The following PPA2 variants were observed in gnomAD, a reference collection of about 807,000 sequenced individuals.
PPA2 encodes the protein inorganic pyrophosphatase 2.
PPA2 carries 48 observed loss-of-function variants against 49.5 expected under a neutral mutation model. The observed-to-expected ratio is 0.97, with a 90% confidence interval of 0.77 to 1.23. The LOEUF is 1.23. PPA2 is among the 50% of genes most tolerant of loss of function. The probability of loss-of-function intolerance (pLI) is 0.00; values close to 1 mark genes in which losing one functional copy is unlikely to be tolerated. For missense variants in PPA2, 429 were observed against 410.1 expected, an observed-to-expected ratio of 1.05 and a Z score of -0.40; for synonymous variants, 131 against 139.9, an observed-to-expected ratio of 0.94 and a Z score of 0.45.
At position 105,424,439 on chromosome 4, in the gene PPA2, A is replaced by G. The variant is rs1027454576; in HGVS notation, c.529-117T>C. On this transcript the variant is annotated intron_variant, in intron 6 of 11. Transcript: ENST00000341695. ...GACTGAAATGTAACAAAGCCTCAAT[A>G]ATTAAAAATAATATGAAAATAGCCA... 5 of 909,148 alleles carry G rather than the reference A, an allele frequency of 5.5e-6. No individual in the cohort carries two copies. In the South Asian group the frequency reaches 1.3e-4, roughly 24 times the overall value. The allele number at this position is 909,148 out of a possible 1,614,324, so 56.3% of individuals were successfully genotyped here. A position where few individuals can be genotyped will look rare whatever the true frequency, so the allele number is the denominator to read the frequency against.
chr4:105,414,156 T>C (rs906080103), intron 7 of PPA2, among the ~76,000 whole-genome samples: 36 of 152,250 alleles, frequency 2.4e-4, no homozygotes, highest in African/African-American at 8.0e-4. Flanking sequence ...TCATCTTTTA[T>C]GTATCAGATT....
At chr4:105,452,825 G>C (rs1175826992) in intron 3 of PPA2, among the ~76,000 whole-genome samples, 1 of 152,012 alleles carries the variant, frequency 6.6e-6, no homozygotes, top group African/African-American at 2.4e-5. Flanking sequence ...CCTAAGTCAA[G>C]AACTATTAAA....
intron 1 of PPA2, among the ~76,000 whole-genome samples, chr4:105,468,718 G>C (rs1723406243): frequency 6.6e-6 from 1 of 152,064 alleles, no homozygotes; most frequent in Admixed American, 6.5e-5. Context: ...AGTACTGCTG[G>C]GGCACCAACA....
chr4:105,454,314 T>C (rs906779881), intron 2 of PPA2, among the ~76,000 whole-genome samples: 1 of 149,532 alleles, frequency 6.7e-6, no homozygotes, highest in African/African-American at 2.5e-5. Flanking sequence ...GTTGTTGTTG[T>C]TGTTGTTGTT....
intron 1 of PPA2, among the ~76,000 whole-genome samples, chr4:105,471,095 TA>T (rs1177670828): frequency 2.6e-5 from 4 of 152,258 alleles, no homozygotes; most frequent in African/African-American, 9.6e-5. Context: ...GGAAGTGTTC[TA>T]ATTTATTAAA....
chr4:105,405,734 T>C (rs1722440883), intron 7 of PPA2: 1 of 745,894 alleles, frequency 1.3e-6, no homozygotes, highest in Non-Finnish European at 1.9e-6. Flanking sequence ...AGATACCTTA[T>C]AAACAGATTA....
chr4:105,454,576 CGCCT>C (rs1381883747), intron 2 of PPA2, among the ~76,000 whole-genome samples: 3 of 152,090 alleles, frequency 2.0e-5, no homozygotes, highest in Non-Finnish European at 4.4e-5. Context: ...CCTCATGATC[CGCCT>C]GCCTTGGCCT....
chr4:105,416,693 A>C (rs1447273319), intron 7 of PPA2, among the ~76,000 whole-genome samples: 1 of 152,208 alleles, frequency 6.6e-6, no homozygotes, highest in Non-Finnish European at 1.5e-5. Flanking sequence ...GATTTTCTTA[A>C]TAATTTATGC....
chr4:105,450,597 A>C (rs1294903226), intron 3 of PPA2, among the ~76,000 whole-genome samples: 1 of 75,130 alleles, frequency 1.3e-5, no homozygotes, highest in Non-Finnish European at 2.7e-5. Context: ...GCTGGTCTGG[A>C]ATTCTTTTTT....
chr4:105,376,089 G>T (rs572842384), intron 10 of PPA2, among the ~76,000 whole-genome samples: 20 of 152,222 alleles, frequency 1.3e-4, no homozygotes, highest in Admixed American at 5.9e-4. Flanking sequence ...TGCTTATATT[G>T]ATGGATTCAG....
intron 10 of PPA2, among the ~76,000 whole-genome samples, chr4:105,375,002 T>C (rs1242237608): frequency 6.6e-6 from 1 of 152,052 alleles, no homozygotes; most frequent in Non-Finnish European, 1.5e-5. Flanking sequence ...GGACATTGTC[T>C]TTCTGCATTG....
chr4:105,462,673 T>C (rs1331386098), intron 1 of PPA2, among the ~76,000 whole-genome samples: 1 of 152,194 alleles, frequency 6.6e-6, no homozygotes. Context: ...ATTGATATGG[T>C]TTGGCTGTGT....
At chr4:105,392,255 A>G (rs1432708674) in intron 9 of PPA2, among the ~76,000 whole-genome samples, 1 of 152,108 alleles carries the variant, frequency 6.6e-6, no homozygotes, top group African/African-American at 2.4e-5. Context: ...AGTGGAAAAA[A>G]AGAATAAACA....
intron 10 of PPA2, among the ~76,000 whole-genome samples, chr4:105,372,930 C>G (rs1733085697): frequency 6.6e-6 from 1 of 152,164 alleles, no homozygotes; most frequent in South Asian, 2.1e-4. Context: ...GCTGAACAAA[C>G]AGACTTTGTT....
intron 1 of PPA2, among the ~76,000 whole-genome samples, chr4:105,470,409 T>C (rs1723473027): frequency 6.6e-6 from 1 of 152,196 alleles, no homozygotes; most frequent in African/African-American, 2.4e-5. Flanking sequence ...TCGCTTGAGC[T>C]GGGGAAGTCA....
In PPA2 at chr4:105,369,228, C is replaced by CT. The variant is rs35271623; in HGVS notation, c.*496dup. On this transcript the variant is annotated 3_prime_UTR_variant, in exon 12 of 12. Transcript: ENST00000341695. ...TTTGTGCTATGAAATGAAACAAAAT[C>CT]TTTTTTTTTTTTTTGAGACGGAGTC... 0.34 allele frequency: 49,127 copies of CT among 144,462 alleles called. 8,787 individuals are homozygous for CT. The highest frequency in any genetic ancestry group is 0.47 in the African/African-American group (18,482 of 39,302). The allele number at this position is 144,462 out of a possible 1,614,324, so 8.9% of individuals were successfully genotyped here.
chr4:105,458,769 C>A (rs1578882803), intron 1 of PPA2, among the ~76,000 whole-genome samples: 1 of 143,220 alleles, frequency 7.0e-6, no homozygotes, highest in East Asian at 2.1e-4. Flanking sequence ...TTGCGGTGAG[C>A]CGAAATCGCA....
intron 6 of PPA2, 33 bp downstream of exon 6, chr4:105,437,917 C>G: frequency 6.6e-7 from 1 of 1,517,440 alleles, no homozygotes; most frequent in Non-Finnish European, 8.9e-7. Context: ...AACCAAAACT[C>G]ACGTTAGAAT....
chr4:105,398,539 C>T (rs2726452), intron 8 of PPA2: 145,904 of 152,410 alleles, frequency 0.96, 69,994 homozygotes, highest in African/African-American at 0.99. Flanking sequence ...TTCTCTCCAT[C>T]TGTGTCATAT....
Sources: gnomAD v4.1 joint callset for allele counts (sites outside exome capture counted in the v4.1 genomes callset) on GRCh38, gnomAD v4.1.1 for gene constraint, MANE v1.5 for transcripts, NCBI Gene and HGNC (gene_info 2026-07-23, HGNC 2026-07-21) for gene names.